Variants in ALK observed in about 807,000 individuals in gnomAD.
ALK encodes ALK tyrosine kinase receptor.
In ALK, 74 loss-of-function variants were observed where a neutral mutation model predicts 163.1. The ratio of observed to expected loss-of-function variants is 0.45; its 90% CI spans 0.38 to 0.55. The LOEUF (loss-of-function observed/expected upper bound fraction) is 0.55, where lower values mean the gene tolerates loss of function less well. Among genes scored for constraint, ALK ranks in the 20% least tolerant of loss-of-function variants. ALK has a pLI of 0.00. For missense variants in ALK, 2,063 were observed against 2,105.3 expected (o/e 0.98, Z 0.39); for synonymous variants, 960 against 843.2 (o/e 1.14, Z -2.40).
rs114405851 is a variant in ALK, at chr2:29,316,154, T to C, written c.1647+2150A>G. Among the ~76,000 whole-genome samples the C allele has an allele frequency of 6.8e-3, 1,039 of 152,308 alleles. 12 individuals carry two copies. The highest frequency in any genetic ancestry group is 0.024 in the African/African-American group (985 of 41,548). On this transcript the variant is annotated intron_variant, in intron 8 of 28. Coordinates refer to ENST00000389048, the MANE Select transcript of ALK (RefSeq NM_004304.5). ...GCATTTAGGATTCACATAAAATAAA[T>C]GGTAGGGCTTACAAATCTAGAAATG...
At chr2:29,334,928 A>G (rs1304903720) in intron 5 of ALK, among the ~76,000 whole-genome samples, 1 of 152,128 alleles carries the variant, frequency 6.6e-6, no homozygotes, top group Non-Finnish European at 1.5e-5. Flanking sequence ...TCCAAGAAGG[A>G]ATGTATCCTT....
At chr2:29,511,326 C>T (rs1346636629) in intron 4 of ALK, among the ~76,000 whole-genome samples, 1 of 152,148 alleles carries the variant, frequency 6.6e-6, no homozygotes, top group Non-Finnish European at 1.5e-5. Context: ...CTGCCTTGCT[C>T]TCTGTCATTA....
intron 5 of ALK, among the ~76,000 whole-genome samples, chr2:29,363,364 G>A (rs1176422929): frequency 1.3e-5 from 2 of 152,232 alleles, no homozygotes; most frequent in Non-Finnish European, 2.9e-5. Context: ...GGGAACTGGA[G>A]GCATAGCCTT....
chr2:29,331,940 T>C (rs17784401), intron 5 of ALK, among the ~76,000 whole-genome samples: 7,419 of 152,060 alleles, frequency 0.049, 244 homozygotes, highest in Middle Eastern at 0.075. Context: ...CCATTAAATA[T>C]AGTTAAGACC....
intron 3 of ALK, among the ~76,000 whole-genome samples, chr2:29,620,537 C>T (rs575904957): frequency 4.6e-5 from 7 of 151,924 alleles, no homozygotes; most frequent in South Asian, 2.1e-4. Flanking sequence ...TAACCTATAA[C>T]GGAGCTGAAG....
Position 29,385,044 on chromosome 2 carries a change from C to CA in ALK, c.1155-1186dup, listed in dbSNP as rs1184716572. ...AGCCTGGCGATACAGACTCTTGTCT[C>CA]AAAAAAAAAAGTGTATGATTTGATG... On this transcript the variant is annotated intron_variant, in intron 4 of 28. Transcript: ENST00000389048. Among the ~76,000 whole-genome samples, 906 of 142,638 alleles carry CA rather than the reference C, an allele frequency of 6.4e-3. 12 individuals carry two copies. The highest frequency in any genetic ancestry group is 0.022 in the African/African-American group (864 of 38,954). 93.6% of individuals were successfully genotyped at this position (142,638 alleles called of 152,430 possible).
chr2:29,711,576 C>T (rs979728405), intron 2 of ALK, among the ~76,000 whole-genome samples: 1 of 152,022 alleles, frequency 6.6e-6, no homozygotes, highest in African/African-American at 2.4e-5. Context: ...TCCCTTCTCC[C>T]ATTCTCTGTG....
chr2:29,618,525 A>C (rs1381923724), intron 3 of ALK, among the ~76,000 whole-genome samples: 1 of 151,310 alleles, frequency 6.6e-6, no homozygotes, highest in African/African-American at 2.4e-5. Flanking sequence ...ACTGGTGGGG[A>C]GAGGGTCCCC....
intron 3 of ALK, among the ~76,000 whole-genome samples, chr2:29,598,326 CAG>C (rs1675272878): frequency 6.6e-6 from 1 of 152,144 alleles, no homozygotes; most frequent in Admixed American, 6.5e-5. Context: ...ATGCCCGGTA[CAG>C]AGAGTACTTC....
At chr2:29,896,592 C>A (rs1667278281) in intron 1 of ALK, among the ~76,000 whole-genome samples, 1 of 152,100 alleles carries the variant, frequency 6.6e-6, no homozygotes, top group Non-Finnish European at 1.5e-5. Flanking sequence ...ACCTGTGGCA[C>A]CTTAACCTTG....
In ALK at chr2:29,912,161, G is replaced by A. The variant is rs187804692; in HGVS notation, c.667+7832C>T. On this transcript the variant is annotated intron_variant, in intron 1 of 28. Coordinates refer to ENST00000389048, the MANE Select transcript of ALK (RefSeq NM_004304.5). Reference sequence around the variant, plus strand: ...GGTGTGTAATCAGAGTCTCAGGAGAGGAATATATTGGTGCAGGAAAAAAAG... The same window carrying A: ...GGTGTGTAATCAGAGTCTCAGGAGAAGAATATATTGGTGCAGGAAAAAAAG... Among the ~76,000 whole-genome samples the A allele has an allele frequency of 3.3e-5, 5 of 152,140 alleles. No individual in the cohort carries two copies. In the East Asian group the frequency reaches 9.7e-4, roughly 29 times the overall value.
In ALK at chr2:29,300,136, G is replaced by T. The variant is rs368930267; in HGVS notation, c.1648-3079C>A. 3.3e-5 allele frequency among the ~76,000 whole-genome samples: 5 copies of T among 152,334 alleles called. No individual in the cohort carries two copies. The East Asian group carries it at 7.7e-4, about 24-fold the overall frequency. On this transcript the variant is annotated intron_variant, in intron 8 of 28. Transcript: ENST00000389048. ...GAGAACCATGTATAGGGGAGCCCAT[G>T]CAGGGTCACTGTAGATCTTGCCTAA...
At chr2:29,678,979 A>G (rs1348731292) in intron 3 of ALK, among the ~76,000 whole-genome samples, 1 of 151,882 alleles carries the variant, frequency 6.6e-6, no homozygotes, top group East Asian at 1.9e-4. Flanking sequence ...GAAATCTCCC[A>G]CTATAATTGT....
intron 15 of ALK, among the ~76,000 whole-genome samples, chr2:29,229,295 C>T (rs1293818882): frequency 1.3e-5 from 2 of 152,276 alleles, no homozygotes; most frequent in Middle Eastern, 3.4e-3. Context: ...CAGATGAGAG[C>T]GTGCCTTGTA....
intron 9 of ALK, among the ~76,000 whole-genome samples, chr2:29,279,424 A>G (rs1431226803): frequency 6.6e-6 from 1 of 152,158 alleles, no homozygotes; most frequent in Non-Finnish European, 1.5e-5. Flanking sequence ...GGGAAGGGAC[A>G]GTGGGACAAA....
At chr2:29,810,971 T>G (rs1664744015) in intron 1 of ALK, among the ~76,000 whole-genome samples, 1 of 152,074 alleles carries the variant, frequency 6.6e-6, no homozygotes, top group Non-Finnish European at 1.5e-5. Flanking sequence ...AAGAGAGACC[T>G]CACCAGAAGC....
At chr2:29,665,802 A>T (rs535366383) in intron 3 of ALK, among the ~76,000 whole-genome samples, 1 of 152,244 alleles carries the variant, frequency 6.6e-6, no homozygotes, top group South Asian at 2.1e-4. Flanking sequence ...ATTGGAACCT[A>T]CGTAGACTTG....
At chr2:29,869,368 A>C (rs1399759016) in intron 1 of ALK, among the ~76,000 whole-genome samples, 1 of 152,232 alleles carries the variant, frequency 6.6e-6, no homozygotes, top group African/African-American at 2.4e-5. Flanking sequence ...GGCTAAGGTA[A>C]GATCAATGTG....
At chr2:29,204,934 G>A (rs182697778) in intron 26 of ALK, among the ~76,000 whole-genome samples, 6 of 152,102 alleles carry the variant, frequency 3.9e-5, no homozygotes, top group Admixed American at 3.3e-4. Context: ...CCTGGCTGAG[G>A]TCGTTATTTG....
Sources: gnomAD v4.1 joint callset for allele counts (sites outside exome capture counted in the v4.1 genomes callset) on GRCh38, gnomAD v4.1.1 for gene constraint, MANE v1.5 for transcripts, NCBI Gene and HGNC (gene_info 2026-07-23, HGNC 2026-07-21) for gene names.